Variants in SYT16 observed in about 807,000 individuals in gnomAD.
The protein encoded by SYT16 is synaptotagmin-16.
In SYT16, 42 loss-of-function variants were observed where a neutral mutation model predicts 61.4. The observed-to-expected ratio is 0.68, with a 90% CI of 0.53 to 0.89. The LOEUF is 0.89. Among genes scored for constraint, SYT16 ranks in the 40% least tolerant of loss-of-function variants. SYT16 has a pLI of 0.00. For missense variants in SYT16, 804 were observed against 807.3 expected (o/e 1.00, Z 0.05); for synonymous variants, 314 against 302.3 (o/e 1.04, Z -0.40).
intron 1 of SYT16, among the ~76,000 whole-genome samples, chr14:61,898,552 G>C (rs992198246): frequency 6.6e-6 from 1 of 152,218 alleles, no homozygotes; most frequent in Non-Finnish European, 1.5e-5. Context: ...CTGGATAGTA[G>C]AAACAGCACT....
At chr14:62,071,667 A>G (rs1457350973) in intron 4 of SYT16, among the ~76,000 whole-genome samples, 3 of 152,192 alleles carry the variant, frequency 2.0e-5, no homozygotes, top group Non-Finnish European at 2.9e-5. Context: ...GTGGTAAAGA[A>G]TCATGAAAAG....
chr14:62,055,524 A>T (rs781168352), intron 3 of SYT16, among the ~76,000 whole-genome samples: 7 of 152,344 alleles, frequency 4.6e-5, no homozygotes, highest in Non-Finnish European at 1.0e-4. Context: ...TGATCCCTGC[A>T]GTCAGAACCA....
intron 2 of SYT16, among the ~76,000 whole-genome samples, chr14:61,978,607 T>TA (rs2051920938): frequency 6.6e-6 from 1 of 152,200 alleles, no homozygotes; most frequent in Admixed American, 6.5e-5. Flanking sequence ...TTTAAAGGTG[T>TA]GGCCAGGTGG....
In SYT16 at chr14:62,107,691, A is replaced by G. The variant is rs1291005913; in HGVS notation, c.*6984A>G. On this transcript the variant is annotated 3_prime_UTR_variant, in exon 8 of 8. Coordinates refer to ENST00000683842, the MANE Select transcript of SYT16 (RefSeq NM_001367656.1). ...AAAGGCAGAAGATTTAGGGAAGGTGAAAGTTATTACCCTGTATCTAATTAA... is the reference window on the plus strand; with the variant it reads ...AAAGGCAGAAGATTTAGGGAAGGTGGAAGTTATTACCCTGTATCTAATTAA... 6.6e-6 allele frequency: 1 copy of G among 152,180 alleles called. No homozygotes were observed. Among genetic ancestry groups the G allele is most frequent in the Non-Finnish European group, 1.5e-5 (1 of 68,030 alleles). The allele number at this position is 152,180 out of a possible 1,614,324, so 9.4% of individuals were successfully genotyped here.
At position 61,950,857 on chromosome 14, in the gene SYT16, T is replaced by C. The variant is rs576360565; in HGVS notation, c.-324-19275T>C. ...CTAGTAGAGAAATCTGAGAATCGAT[T>C]AGAATCCCATCTGTTTTGGAAGAGG... is the stretch of plus-strand genomic sequence containing the variant. On this transcript the variant is annotated intron_variant, in intron 1 of 7. Coordinates refer to ENST00000683842, the MANE Select transcript of SYT16 (RefSeq NM_001367656.1). Among the ~76,000 whole-genome samples, 23 of 152,318 alleles carry C rather than the reference T, an allele frequency of 1.5e-4. No homozygotes were observed. In the East Asian group the frequency reaches 4.4e-3, roughly 29 times the overall value.
At chr14:62,077,632 G>A (rs890254374) in intron 5 of SYT16, 1 of 152,240 alleles carries the variant, frequency 6.6e-6, no homozygotes, top group African/African-American at 2.4e-5. Flanking sequence ...TGGATTAGTG[G>A]TATTAACAGT....
intron 1 of SYT16, among the ~76,000 whole-genome samples, chr14:61,886,369 A>T (rs766773188): frequency 3.3e-5 from 5 of 152,154 alleles, no homozygotes; most frequent in Non-Finnish European, 5.9e-5. Flanking sequence ...GTTTGATAGC[A>T]TTTTACCCAC....
chr14:62,041,471 G>A (rs1407022207), intron 3 of SYT16, among the ~76,000 whole-genome samples: 1 of 152,132 alleles, frequency 6.6e-6, no homozygotes, highest in African/African-American at 2.4e-5. Flanking sequence ...TTGAATTGGT[G>A]GGCTTATAAT....
intron 1 of SYT16, among the ~76,000 whole-genome samples, chr14:61,914,033 A>G (rs924125772): frequency 2.6e-5 from 4 of 152,184 alleles, no homozygotes; most frequent in Non-Finnish European, 5.9e-5. Flanking sequence ...GTTTCTCAGG[A>G]TAGCCTCTCC....
chr14:61,855,150 G>A (rs1432973135), intron 1 of SYT16, among the ~76,000 whole-genome samples: 5 of 152,168 alleles, frequency 3.3e-5, no homozygotes, highest in African/African-American at 1.2e-4. Context: ...AGTCCTTCAA[G>A]TCAAAAGGTG....
At chr14:62,089,451 ATCTATCTG>A (rs2056999788) in intron 7 of SYT16, among the ~76,000 whole-genome samples, 1 of 152,208 alleles carries the variant, frequency 6.6e-6, no homozygotes, top group East Asian at 1.9e-4. Flanking sequence ...ATTTCTATGT[ATCTATCTG>A]TCTATCAATC....
intron 1 of SYT16, among the ~76,000 whole-genome samples, chr14:61,855,621 C>T (rs1218946703): frequency 5.3e-5 from 8 of 152,086 alleles, no homozygotes; most frequent in Admixed American, 5.2e-4. Context: ...TTTTGCACCA[C>T]TGTAATGTTG....
chr14:62,031,303 G>A (rs779520538), intron 3 of SYT16, among the ~76,000 whole-genome samples: 5 of 152,148 alleles, frequency 3.3e-5, no homozygotes, highest in South Asian at 2.1e-4. Context: ...GAGCTAAACC[G>A]CATTAATTTG....
chr14:62,011,399 AC>A (rs957487059), intron 3 of SYT16, among the ~76,000 whole-genome samples: 1 of 152,146 alleles, frequency 6.6e-6, no homozygotes, highest in Non-Finnish European at 1.5e-5. Context: ...AAAAAAAAAC[AC>A]CACCACTTTC....
intron 1 of SYT16, among the ~76,000 whole-genome samples, chr14:61,958,946 A>G (rs1566716807): frequency 1.3e-5 from 2 of 152,066 alleles, no homozygotes; most frequent in Non-Finnish European, 2.9e-5. Flanking sequence ...TGGAGCATAT[A>G]TATTTTTAGT....
chr14:61,916,523 A>G (rs926276568), intron 1 of SYT16, among the ~76,000 whole-genome samples: 2 of 152,174 alleles, frequency 1.3e-5, no homozygotes, highest in South Asian at 2.1e-4. Flanking sequence ...CATACTATGT[A>G]TAATGATGAA....
intron 7 of SYT16, among the ~76,000 whole-genome samples, chr14:62,087,919 G>A (rs1045206397): frequency 6.6e-6 from 1 of 152,088 alleles, no homozygotes; most frequent in African/African-American, 2.4e-5. Context: ...GTCTCTGCCG[G>A]CTCCAACCAG....
At chr14:61,975,220 A>G (rs768828201) in intron 2 of SYT16, among the ~76,000 whole-genome samples, 4 of 152,154 alleles carry the variant, frequency 2.6e-5, no homozygotes, top group Non-Finnish European at 5.9e-5. Context: ...TTTCCCACTC[A>G]CAATTCAACA....
rs576206040 is a variant in SYT16 at position 61,945,835 on chromosome 14, G to A, written c.-324-24297G>A. On this transcript the variant is annotated intron_variant, in intron 1 of 7. Transcript: ENST00000683842. ...CACGCCACTGCACTCCAGCCTGGGC[G>A]ACAGAGCGAGACTCCGTCTCAAAAA... 2.4e-4 allele frequency among the ~76,000 whole-genome samples: 29 copies of A among 123,286 alleles called. 1 individual carries two copies. The East Asian group carries it at 6.7e-3, about 29-fold the overall frequency. 80.9% of individuals were successfully genotyped at this position (123,286 alleles called of 152,430 possible). A position where few individuals can be genotyped will look rare whatever the true frequency, so the allele number is the denominator to read the frequency against.
Sources: allele counts gnomAD v4.1 joint callset (sites outside exome capture counted in the v4.1 genomes callset), GRCh38; gene constraint gnomAD v4.1.1; transcripts MANE v1.5; gene names NCBI Gene and HGNC (gene_info 2026-07-23, HGNC 2026-07-21).